Variants in PTGER2 observed in about 807,000 individuals in gnomAD.
PTGER2 encodes the protein prostaglandin E receptor 2.
Under a neutral mutation model 26.2 loss-of-function variants are expected in PTGER2, and 22 were observed. That is an observed-to-expected ratio of 0.84 (90% CI 0.60 to 1.20). The LOEUF is 1.20. Among genes scored for constraint, PTGER2 ranks in the 50% most tolerant of loss-of-function variants. The probability of loss-of-function intolerance (pLI) is 0.00; values close to 1 mark genes in which losing one functional copy is unlikely to be tolerated. For synonymous variants in PTGER2, 219 were observed against 208.9 expected, an observed-to-expected ratio of 1.05 and a Z score of -0.42; for missense variants, 458 against 475.2, an observed-to-expected ratio of 0.96 and a Z score of 0.34.
In PTGER2 at chr14:52,314,383, G is replaced by A. The variant is rs1353411; in HGVS notation, c.-166G>A. 0.23 allele frequency: 176,402 copies of A among 779,840 alleles called. 24,739 individuals are homozygous for A. The highest frequency in any genetic ancestry group is 0.58 in the East Asian group (16,825 of 29,248). The allele number at this position is 779,840 out of a possible 1,614,324, so 48.3% of individuals were successfully genotyped here. On this transcript the variant is annotated 5_prime_UTR_variant, in exon 1 of 2. Coordinates refer to ENST00000245457, the MANE Select transcript of PTGER2 (RefSeq NM_000956.4). The surrounding 1 kb of genome is among the most constrained non-coding windows in gnomAD (Gnocchi z 5.7). ...AGCCGCCACTCGGCGCGCGGCGGGA[G>A]ACCCAGGGCAAGCCGCCGTCGGCGC... is the stretch of plus-strand genomic sequence containing the variant.
chr14:52,325,250 AT>A (rs1376249147), intron 1 of PTGER2, among the ~76,000 whole-genome samples: 3 of 101,106 alleles, frequency 3.0e-5, no homozygotes, highest in Non-Finnish European at 7.0e-5. Flanking sequence ...ACAGTACAGA[AT>A]TGCTTCATCC....
intron 1 of PTGER2, among the ~76,000 whole-genome samples, chr14:52,322,602 T>C (rs551938172): frequency 2.0e-5 from 3 of 152,204 alleles, no homozygotes; most frequent in African/African-American, 7.2e-5. Flanking sequence ...GGTGGGTTTT[T>C]TTCCCCACCC....
chr14:52,323,047 G>C (rs980748376), intron 1 of PTGER2, among the ~76,000 whole-genome samples: 6 of 152,180 alleles, frequency 3.9e-5, no homozygotes, highest in African/African-American at 1.4e-4. Context: ...ACAGGATTAA[G>C]AGATTAAAGT....
At chr14:52,323,506 G>A (rs538623616) in intron 1 of PTGER2, among the ~76,000 whole-genome samples, 3 of 152,186 alleles carry the variant, frequency 2.0e-5, no homozygotes, top group East Asian at 1.9e-4. Context: ...TGCCTGCCTC[G>A]GCCTCCCAAA....
At chr14:52,323,386 G>A (rs2033917684) in intron 1 of PTGER2, among the ~76,000 whole-genome samples, 1 of 152,080 alleles carries the variant, frequency 6.6e-6, no homozygotes, top group African/African-American at 2.4e-5. Context: ...CCAAGTAGCT[G>A]GGATTACAGG....
intron 1 of PTGER2, among the ~76,000 whole-genome samples, chr14:52,322,909 TTC>T (rs2033912169): frequency 6.6e-6 from 1 of 152,184 alleles, no homozygotes; most frequent in East Asian, 1.9e-4. Context: ...ATCGCTGTTA[TTC>T]TGTTCTTTTT....
At chr14:52,317,465 ATG>A (rs972657027) in intron 1 of PTGER2, among the ~76,000 whole-genome samples, 11 of 152,174 alleles carry the variant, frequency 7.2e-5, no homozygotes, top group African/African-American at 2.7e-4. Flanking sequence ...ATTCAAATAT[ATG>A]TGTGTGGATA....
In PTGER2 at chr14:52,327,564, A is replaced by G; in HGVS notation, c.*110A>G. On this transcript the variant is annotated 3_prime_UTR_variant, in exon 2 of 2. Transcript: ENST00000245457. ...AAACAAAATGAAGCTGCCCTAATAAAAAGGAGTATACAAACATTTAAGCTG... is the reference window on the plus strand; with the variant it reads ...AAACAAAATGAAGCTGCCCTAATAAGAAGGAGTATACAAACATTTAAGCTG... 1.2e-6 allele frequency: 1 copy of G among 857,378 alleles called. No individual in the cohort carries two copies. Among genetic ancestry groups the G allele is most frequent in the Non-Finnish European group, 1.8e-6 (1 of 564,244 alleles). The allele number at this position is 857,378 out of a possible 1,614,324, so 53.1% of individuals were successfully genotyped here. A position where few individuals can be genotyped will look rare whatever the true frequency, so the allele number is the denominator to read the frequency against.
At position 52,314,789 on chromosome 14, in the gene PTGER2, G is replaced by C. The variant is rs761154350; in HGVS notation, c.241G>C (p.Gly81Arg). 9.9e-6 allele frequency: 16 copies of C among 1,612,142 alleles called. No individual in the cohort carries two copies. Among genetic ancestry groups the C allele is most frequent in the Non-Finnish European group, 1.0e-5 (12 of 1,179,262 alleles). ...CGAGCTGGTGTTCACCGACCTGCTC[G>C]GGACCTGCCTCATCAGCCCAGTGGT... ...VTELVFTDLL[G>R]TCLISPVVLA... The change falls in exon 1 of 2, where the codon GGG becomes CGG. Residue 81 changes from glycine to arginine, a missense_variant. By Grantham distance (125) the Gly-to-Arg change is moderately radical (BLOSUM62 -2). Transcript: ENST00000245457. The surrounding 1 kb of genome is among the most constrained non-coding windows in gnomAD (Gnocchi z 5.7).
Position 52,319,228 on chromosome 14 carries a change from C to CA in PTGER2, c.843+3838dup, listed in dbSNP as rs369775056. Reference sequence around the variant, plus strand: ...ATAAAATGGCAAAGACCTTTTTCTTCATGTCAGCTCAAGGGAGCTGAGCCA... The same window carrying CA: ...ATAAAATGGCAAAGACCTTTTTCTTCAATGTCAGCTCAAGGGAGCTGAGCCA... On this transcript the variant is annotated intron_variant, in intron 1 of 1. Coordinates refer to ENST00000245457, the MANE Select transcript of PTGER2 (RefSeq NM_000956.4). Among the ~76,000 whole-genome samples the CA allele has an allele frequency of 8.0e-4, 122 of 152,304 alleles. No homozygotes were observed. The East Asian group carries it at 0.013, about 17-fold the overall frequency.
At chr14:52,324,817 A>T (rs2033933014) in intron 1 of PTGER2, among the ~76,000 whole-genome samples, 1 of 152,186 alleles carries the variant, frequency 6.6e-6, no homozygotes, top group South Asian at 2.1e-4. Flanking sequence ...TTCGAGGGTC[A>T]CTGAAGTATG....
chr14:52,315,216 T>A lies in PTGER2; in HGVS notation c.668T>A (p.Ile223Asn). The change falls in exon 1 of 2, where the codon ATC becomes AAC. Residue 223 changes from isoleucine to asparagine, a missense_variant. By Grantham distance (149) the Ile-to-Asn change is moderately radical (BLOSUM62 -3). Transcript: ENST00000245457. Reference protein sequence around the residue: ...ACNFSVILNLIRMHRRSRRSR... With the variant: ...ACNFSVILNLNRMHRRSRRSR... ...AACTTCAGTGTCATTCTCAACCTCA[T>A]CCGCATGCACCGCCGAAGCCGGAGA... is the stretch of plus-strand genomic sequence containing the variant. 6.2e-7 allele frequency: 1 copy of A among 1,610,600 alleles called. No individual in the cohort carries two copies. Among genetic ancestry groups the A allele is most frequent in the Non-Finnish European group, 8.5e-7 (1 of 1,179,848 alleles).
At chr14:52,323,234 T>C (rs2033916166) in intron 1 of PTGER2, among the ~76,000 whole-genome samples, 1 of 152,078 alleles carries the variant, frequency 6.6e-6, no homozygotes, top group Non-Finnish European at 1.5e-5. Context: ...TGCATGTATG[T>C]ATGTATGTAT....
intron 1 of PTGER2, among the ~76,000 whole-genome samples, chr14:52,316,737 G>A (rs530843531): frequency 3.6e-4 from 55 of 152,126 alleles, no homozygotes; most frequent in Non-Finnish European, 5.1e-4. Flanking sequence ...CCTTAGCTAC[G>A]TTCTCTTCTC....
At chr14:52,318,385 CAG>C (rs1261241837) in intron 1 of PTGER2, among the ~76,000 whole-genome samples, 10 of 152,066 alleles carry the variant, frequency 6.6e-5, no homozygotes, top group African/African-American at 2.2e-4. Context: ...TAAAAAGAAA[CAG>C]AGAAAATTAA....
chr14:52,322,413 A>G (rs2033905211), intron 1 of PTGER2, among the ~76,000 whole-genome samples: 1 of 152,234 alleles, frequency 6.6e-6, no homozygotes, highest in Admixed American at 6.5e-5. Flanking sequence ...ACTCCTGATA[A>G]GAGTCCAACA....
In PTGER2 at chr14:52,314,663, A is replaced by G; in HGVS notation, c.115A>G (p.Asn39Asp). ...SVMFSAGVLG[N>D]LIALALLARR... is the part of the protein sequence containing the mutation. The stretch of plus-strand genomic sequence containing the variant: ...CATGTTCTCGGCCGGGGTGCTGGGG[A>G]ACCTCATAGCACTGGCGCTGCTGGC... The change falls in exon 1 of 2, where the codon AAC becomes GAC. Residue 39 changes from asparagine to aspartate, a missense_variant. By Grantham distance (23) the Asn-to-Asp change is conservative (BLOSUM62 1). Coordinates refer to ENST00000245457, the MANE Select transcript of PTGER2 (RefSeq NM_000956.4). This position sits in a 1 kb window ranked among gnomAD's most constrained non-coding sequence, Gnocchi z 5.7. 6.6e-7 allele frequency: 1 copy of G among 1,522,092 alleles called. No homozygotes were observed. Among genetic ancestry groups the G allele is most frequent in the Non-Finnish European group, 8.8e-7 (1 of 1,134,196 alleles). The allele number at this position is 1,522,092 out of a possible 1,614,324, so 94.3% of individuals were successfully genotyped here.
Position 52,315,383 on chromosome 14 carries a change from C to G in PTGER2, c.835C>G (p.Pro279Ala). ...CATCACCTTCGCCGTCTGCTCCTTG[C>G]CTTTCACGGTAAGTCACTCCCTACG... ...MTITFAVCSL[P>A]FTIFAYMNET... The change falls in exon 1 of 2, where the codon CCT (proline) becomes GCT (alanine). Residue 279 changes from proline to alanine, a missense_variant. Coordinates refer to ENST00000245457, the MANE Select transcript of PTGER2 (RefSeq NM_000956.4). 1 of 1,612,906 alleles carries G rather than the reference C, an allele frequency of 6.2e-7. No individual in the cohort carries two copies. Among genetic ancestry groups the G allele is most frequent in the African/African-American group, 1.3e-5 (1 of 74,992 alleles).
At chr14:52,318,914 C>T (rs1248527066) in intron 1 of PTGER2, among the ~76,000 whole-genome samples, 1 of 152,160 alleles carries the variant, frequency 6.6e-6, no homozygotes, top group Non-Finnish European at 1.5e-5. Flanking sequence ...TTTGCATTAA[C>T]CCATTATCTT....
Sources: allele counts gnomAD v4.1 joint callset (sites outside exome capture counted in the v4.1 genomes callset), GRCh38; gene constraint gnomAD v4.1.1; non-coding constraint Gnocchi (gnomAD v3.1); transcripts MANE v1.5; gene names NCBI Gene and HGNC (gene_info 2026-07-23, HGNC 2026-07-21).